Variants in DIAPH3 observed in about 807,000 individuals in gnomAD.
DIAPH3 encodes protein diaphanous homolog 3.
In DIAPH3, 117 loss-of-function variants were observed where a neutral mutation model predicts 144.3. The observed-to-expected ratio is 0.81, with a 90% CI of 0.70 to 0.95. DIAPH3 has a LOEUF of 0.95. Among genes scored for constraint, DIAPH3 ranks in the 40% least tolerant of loss-of-function variants. The pLI is 0.00. For missense variants in DIAPH3, 1,421 were observed against 1,412.7 expected, an observed-to-expected ratio of 1.01 and a Z score of -0.09; for synonymous variants, 519 against 488.9, an observed-to-expected ratio of 1.06 and a Z score of -0.81.
chr13:59,964,887 C>A (rs757284761), intron 17 of DIAPH3, among the ~76,000 whole-genome samples: 3 of 152,126 alleles, frequency 2.0e-5, no homozygotes, highest in Non-Finnish European at 4.4e-5. Context: ...GTGAAATATT[C>A]TGTTCTTTTC....
intron 24 of DIAPH3, among the ~76,000 whole-genome samples, chr13:59,825,481 G>A: frequency 6.6e-6 from 1 of 152,072 alleles, no homozygotes; most frequent in African/African-American, 2.4e-5. Context: ...ATTGTGAATA[G>A]TGTACAATAA....
chr13:60,106,036 G>T (rs1360633428), intron 3 of DIAPH3, among the ~76,000 whole-genome samples: 8 of 152,052 alleles, frequency 5.3e-5, no homozygotes, highest in Non-Finnish European at 1.0e-4. Flanking sequence ...TGTACCCTAA[G>T]AGTGGCAATA....
intron 2 of DIAPH3, among the ~76,000 whole-genome samples, chr13:60,117,199 GA>G (rs560198379): frequency 1.1e-3 from 167 of 152,018 alleles, no homozygotes; most frequent in African/African-American, 3.8e-3. Flanking sequence ...CTGGGGAAAA[GA>G]TAAATTTTAC....
chr13:59,988,679 T>C (rs911126092), intron 12 of DIAPH3, among the ~76,000 whole-genome samples: 6 of 151,918 alleles, frequency 3.9e-5, no homozygotes, highest in African/African-American at 1.2e-4. Flanking sequence ...GGGATGAACA[T>C]TAAGTTGTCA....
In DIAPH3 at chr13:59,938,895, G is replaced by GT. The variant is rs1286282997; in HGVS notation, c.2075-14026dup. Reference sequence around the variant, plus strand: ...CGGATGGTACTGATGGATGCACAACGTTAGTGTTGCTAATGCCACAGAACT... The same window carrying GT: ...CGGATGGTACTGATGGATGCACAACGTTTAGTGTTGCTAATGCCACAGAACT... On this transcript the variant is annotated intron_variant, in intron 17 of 27. Coordinates refer to ENST00000400324, the MANE Select transcript of DIAPH3 (RefSeq NM_001042517.2). Among the ~76,000 whole-genome samples the GT allele has an allele frequency of 9.9e-5, 15 of 152,284 alleles. No individual in the cohort carries two copies. The South Asian group carries it at 3.1e-3, about 32-fold the overall frequency.
intron 27 of DIAPH3, among the ~76,000 whole-genome samples, chr13:59,741,198 G>T (rs1313156474): frequency 6.6e-6 from 1 of 152,144 alleles, no homozygotes; most frequent in African/African-American, 2.4e-5. Context: ...TAGGAAAGAA[G>T]AAATACAAAG....
At chr13:60,103,753 G>T (rs967662775) in intron 3 of DIAPH3, among the ~76,000 whole-genome samples, 1 of 152,112 alleles carries the variant, frequency 6.6e-6, no homozygotes, top group Non-Finnish European at 1.5e-5. Flanking sequence ...CCACAAATTG[G>T]TTAAGCATCT....
chr13:59,718,313 T>C (rs1481416879), intron 27 of DIAPH3, among the ~76,000 whole-genome samples: 1 of 152,206 alleles, frequency 6.6e-6, no homozygotes, highest in Non-Finnish European at 1.5e-5. Context: ...GTTCTTGTCA[T>C]TACAAAGCTA....
chr13:59,839,277 T>A (rs946622745), intron 23 of DIAPH3, 47 bp downstream of exon 23: 2 of 1,605,472 alleles, frequency 1.2e-6, no homozygotes, highest in Admixed American at 1.7e-5. Context: ...ATAAATTGTA[T>A]CTCTAGTTGA....
chr13:59,970,774 T>C (rs1377704666), intron 16 of DIAPH3, 78 bp downstream of exon 16: 2 of 1,273,780 alleles, frequency 1.6e-6, no homozygotes, highest in Non-Finnish European at 2.1e-6. Flanking sequence ...TTAAATCTCA[T>C]TAGAAATTAT....
intron 5 of DIAPH3, among the ~76,000 whole-genome samples, chr13:60,031,970 T>C (rs1330858541): frequency 2.0e-5 from 3 of 152,048 alleles, no homozygotes; most frequent in African/African-American, 4.8e-5. Context: ...TCTCAATCTC[T>C]TGACCTCATG....
intron 5 of DIAPH3, among the ~76,000 whole-genome samples, chr13:60,026,655 A>T (rs1232351130): frequency 2.6e-5 from 4 of 152,182 alleles, no homozygotes; most frequent in Non-Finnish European, 5.9e-5. Context: ...TGATTATTAC[A>T]TGCTTTAAGC....
At chr13:59,840,869 C>T (rs962848170) in intron 22 of DIAPH3, among the ~76,000 whole-genome samples, 1 of 151,770 alleles carries the variant, frequency 6.6e-6, no homozygotes, top group African/African-American at 2.4e-5. Flanking sequence ...TGAATTTACA[C>T]ACTAAATGCT....
chr13:59,913,906 C>T (rs181565931), intron 19 of DIAPH3, among the ~76,000 whole-genome samples: 1 of 151,722 alleles, frequency 6.6e-6, no homozygotes, highest in Admixed American at 6.6e-5. Context: ...TGCAGTAAGC[C>T]GAGATCGCAC....
intron 17 of DIAPH3, among the ~76,000 whole-genome samples, chr13:59,961,745 T>C (rs2049773877): frequency 6.6e-6 from 1 of 152,214 alleles, no homozygotes; most frequent in Non-Finnish European, 1.5e-5. Context: ...GGCTGCTTCT[T>C]TTAGCTGAAA....
chr13:59,949,928 C>A (rs578125194), intron 17 of DIAPH3, among the ~76,000 whole-genome samples: 1 of 152,228 alleles, frequency 6.6e-6, no homozygotes, highest in East Asian at 1.9e-4. Context: ...CCTCAAAGAG[C>A]TTTTATAGCT....
intron 27 of DIAPH3, among the ~76,000 whole-genome samples, chr13:59,716,416 C>G (rs905343138): frequency 6.6e-6 from 1 of 152,196 alleles, no homozygotes; most frequent in Non-Finnish European, 1.5e-5. Context: ...ATCTTGTGAT[C>G]TGCCCGCCTT....
intron 27 of DIAPH3, among the ~76,000 whole-genome samples, chr13:59,726,778 T>C (rs2035620740): frequency 6.6e-6 from 1 of 152,042 alleles, no homozygotes; most frequent in South Asian, 2.1e-4. Flanking sequence ...TTAAGAAAAA[T>C]GAGTAATTGA....
chr13:60,015,813 TA>T, intron 7 of DIAPH3, 99 bp downstream of exon 7: 2 of 1,062,952 alleles, frequency 1.9e-6, no homozygotes, highest in Non-Finnish European at 2.9e-6. Context: ...CATCATGTAC[TA>T]AAAAACACAT....
Sources: gnomAD v4.1 joint callset for allele counts (sites outside exome capture counted in the v4.1 genomes callset) on GRCh38, gnomAD v4.1.1 for gene constraint, MANE v1.5 for transcripts, NCBI Gene and HGNC (gene_info 2026-07-23, HGNC 2026-07-21) for gene names.